Variants in KCNAB2 observed in about 807,000 individuals in gnomAD.
KCNAB2 encodes the protein potassium voltage-gated channel subfamily A regulatory beta subunit 2.
KCNAB2 carries 29 observed loss-of-function variants against 63.6 expected under a neutral mutation model. That is an observed-to-expected ratio of 0.46 (90% CI 0.34 to 0.62). The LOEUF (loss-of-function observed/expected upper bound fraction) is 0.62, where lower values mean the gene tolerates loss of function less well. Among genes scored for constraint, KCNAB2 ranks in the 20% least tolerant of loss-of-function variants. KCNAB2 has a pLI of 0.01. For synonymous variants in KCNAB2, 222 were observed against 224.2 expected (o/e 0.99, Z 0.09); for missense variants, 359 against 563.9 (o/e 0.64, Z 3.68).
chr1:6,085,540 G>A (rs1664625909), intron 6 of KCNAB2, among the ~76,000 whole-genome samples: 1 of 152,170 alleles, frequency 6.6e-6, no homozygotes, highest in African/African-American at 2.4e-5. Context: ...TGCTTGCAAA[G>A]TGTCAGGCCA....
chr1:6,087,282 G>A lies in KCNAB2; in HGVS notation c.426-185G>A, dbSNP rs1664782050. Among the ~76,000 whole-genome samples, 1 of 152,190 alleles carries A rather than the reference G, an allele frequency of 6.6e-6. No homozygotes were observed. Among genetic ancestry groups the A allele is most frequent in the South Asian group, 2.1e-4 (1 of 4,824 alleles). ...TGGCTGCCTCCTGGCTCCATGAGGAGCCCACGCACCCCGGCTGGGCACGTG... is the reference window on the plus strand; with the variant it reads ...TGGCTGCCTCCTGGCTCCATGAGGAACCCACGCACCCCGGCTGGGCACGTG... On this transcript the variant is annotated intron_variant, in intron 6 of 15. Transcript: ENST00000378083. This position sits in a 1 kb window ranked among gnomAD's most constrained non-coding sequence, Gnocchi z 6.4.
chr1:6,057,331 G>A (rs1288643469), intron 2 of KCNAB2, among the ~76,000 whole-genome samples: 1 of 152,114 alleles, frequency 6.6e-6, no homozygotes, highest in Admixed American at 6.6e-5. Context: ...TTGGTTGCCA[G>A]GTTCATTGAG....
In KCNAB2 at chr1:6,096,076, T is replaced by G; in HGVS notation, c.948+452T>G. On this transcript the variant is annotated intron_variant, in intron 13 of 15. Transcript: ENST00000378083. This position sits in a 1 kb window ranked among gnomAD's most constrained non-coding sequence, Gnocchi z 5.9. ...TGGGGACTCAGGAGGGTCCCCAGAC[T>G]GCAGGATCTGGAGAACAAGGAGCAG... 1 of 458,096 alleles carries G rather than the reference T, an allele frequency of 2.2e-6. No homozygotes were observed. Among genetic ancestry groups the G allele is most frequent in the Non-Finnish European group, 4.4e-6 (1 of 228,248 alleles). 28.4% of individuals were successfully genotyped at this position (458,096 alleles called of 1,614,324 possible).
intron 1 of KCNAB2, among the ~76,000 whole-genome samples, chr1:5,996,562 C>T (rs1368725788): frequency 6.6e-6 from 1 of 152,282 alleles, no homozygotes; most frequent in Non-Finnish European, 1.5e-5. Flanking sequence ...CCCATGCCCA[C>T]CCTGCCGGCT....
intron 1 of KCNAB2, among the ~76,000 whole-genome samples, chr1:6,023,696 T>G (rs1467671225): frequency 6.6e-6 from 1 of 152,232 alleles, no homozygotes; most frequent in Non-Finnish European, 1.5e-5. Flanking sequence ...TATTAATTCC[T>G]TATCAGATAT....
chr1:6,075,741 C>T (rs1431299250), intron 4 of KCNAB2, among the ~76,000 whole-genome samples: 1 of 152,206 alleles, frequency 6.6e-6, no homozygotes, highest in African/African-American at 2.4e-5. Flanking sequence ...ATATATGAAA[C>T]ATAAAATTTG....
Position 6,071,609 on chromosome 1 carries a change from G to A in KCNAB2, c.219-1146G>A, listed in dbSNP as rs934865932. On this transcript the variant is annotated intron_variant, in intron 2 of 15. Transcript: ENST00000378083. The surrounding 1 kb of genome is among the most constrained non-coding windows in gnomAD (Gnocchi z 8.5). ...GGGCAGGTATCGTAACGTGGGAATCGATGTCACGACAAGCAAGGCGCCTGC... is the reference window on the plus strand; with the variant it reads ...GGGCAGGTATCGTAACGTGGGAATCAATGTCACGACAAGCAAGGCGCCTGC... 2.0e-5 allele frequency among the ~76,000 whole-genome samples: 3 copies of A among 152,210 alleles called. No homozygotes were observed. The highest frequency in any genetic ancestry group is 7.2e-5 in the African/African-American group (3 of 41,454).
At chr1:6,043,135 C>T (rs910838328), upstream of KCNAB2, among the ~76,000 whole-genome samples, 4 of 152,170 alleles carry the variant, frequency 2.6e-5, no homozygotes, top group Non-Finnish European at 4.4e-5. Flanking sequence ...CCGCTCATCC[C>T]AGGGGATTTC....
intron 1 of KCNAB2, chr1:6,007,736 GT>G (rs760902910): frequency 0.039 from 6,001 of 152,406 alleles, 143 homozygotes; most frequent in South Asian, 0.1. Flanking sequence ...GGGCGCCGCA[GT>G]GTGTGCGCGT....
At chr1:6,093,828 GC>G (rs1296250578) in intron 10 of KCNAB2, among the ~76,000 whole-genome samples, 3 of 152,194 alleles carry the variant, frequency 2.0e-5, no homozygotes, top group Admixed American at 2.0e-4. Flanking sequence ...CATGAGCTCA[GC>G]CCCGAAGCCC....
rs780111136 is a variant in KCNAB2, at chr1:6,078,719, G to A, written c.301-3476G>A. On this transcript the variant is annotated intron_variant, in intron 4 of 15. Transcript: ENST00000378083. This position sits in a 1 kb window ranked among gnomAD's most constrained non-coding sequence, Gnocchi z 4.2. ...TGATTTAAAAGGTCTGCCAAGGCTC[G>A]CCCTGGCTGCTGCACTGGGAATGGC... Among the ~76,000 whole-genome samples the A allele has an allele frequency of 1.4e-4, 22 of 152,306 alleles. No homozygotes were observed. The highest frequency in any genetic ancestry group is 1.9e-4 in the East Asian group (1 of 5,188).
Position 6,096,723 on chromosome 1 carries a change from C to A in KCNAB2, c.1036C>A (p.Arg346Ser). ...KLKELQAIAE[R>S]LGCTLPQLAI... is the part of the protein sequence containing the mutation. ...GAAGGAGCTGCAGGCCATCGCCGAG[C>A]GCCTGGGCTGCACCCTGCCCCAGCT... The change falls in exon 14 of 16, where the codon CGC (arginine) becomes AGC (serine). Residue 346 changes from arginine to serine, a missense_variant. Arg to Ser is a moderately radical substitution (Grantham distance 110, BLOSUM62 -1). Transcript: ENST00000378083. The surrounding 1 kb of genome is among the most constrained non-coding windows in gnomAD (Gnocchi z 5.9). The A allele has an allele frequency of 1.3e-6, 2 of 1,593,874 alleles. No homozygotes were observed. The highest frequency in any genetic ancestry group is 1.7e-6 in the Non-Finnish European group (2 of 1,171,704).
chr1:6,006,903 G>A (rs1657828258), intron 1 of KCNAB2, among the ~76,000 whole-genome samples: 1 of 151,986 alleles, frequency 6.6e-6, no homozygotes, highest in Admixed American at 6.6e-5. Flanking sequence ...AAGAGCTGTT[G>A]TCGAGGGATC....
rs1171049297 is a variant in KCNAB2, at chr1:6,100,277, C to T, written c.*1703C>T. On this transcript the variant is annotated 3_prime_UTR_variant, in exon 16 of 16. Transcript: ENST00000378083. ...CGACCCCCCTTCATGCTGCCCCTGG[C>T]GCCTAGAACCCTTGCCCCTCCTCAT... 5 of 497,162 alleles carry T rather than the reference C, an allele frequency of 1.0e-5. No individual in the cohort carries two copies. The highest frequency in any genetic ancestry group is 3.4e-5 in the East Asian group (1 of 29,344). 30.8% of individuals were successfully genotyped at this position (497,162 alleles called of 1,614,324 possible).
chr1:6,099,962 T>C lies in KCNAB2; in HGVS notation c.*1388T>C. On this transcript the variant is annotated 3_prime_UTR_variant, in exon 16 of 16. Coordinates refer to ENST00000378083, the MANE Select transcript of KCNAB2 (RefSeq NM_001199862.2). ...CTGTGTCCCAAGCAGTACCCAGGCT[T>C]TGCAGACCACGCGGGGCAGGGCTCC... 1 of 1,550,020 alleles carries C rather than the reference T, an allele frequency of 6.5e-7. No individual in the cohort carries two copies. The highest frequency in any genetic ancestry group is 8.7e-7 in the Non-Finnish European group (1 of 1,146,734).
chr1:6,088,755 A>G (rs1040677929), intron 7 of KCNAB2, among the ~76,000 whole-genome samples: 1 of 151,954 alleles, frequency 6.6e-6, no homozygotes, highest in African/African-American at 2.4e-5. Flanking sequence ...CAGACGGGTT[A>G]GGTTGAAAAT....
In KCNAB2 at chr1:6,073,747, T is replaced by A; in HGVS notation, c.277T>A (p.Phe93Ile). 1 of 1,614,138 alleles carries A rather than the reference T, an allele frequency of 6.2e-7. No individual in the cohort carries two copies. Among genetic ancestry groups the A allele is most frequent in the Non-Finnish European group, 8.5e-7 (1 of 1,180,006 alleles). ...TCTCCTTCCAGGAACATGGGTGACC[T>A]TCGGAGGCCAGATCACCGATGAGGT... ...SCLGLGTWVT[F>I]GGQITDEMAE... The change falls in exon 4 of 16, where the codon TTC (phenylalanine) becomes ATC (isoleucine). Residue 93 changes from phenylalanine to isoleucine, a missense_variant. Physicochemically the swap from Phe to Ile is conservative, Grantham distance 21 (BLOSUM62 0). Coordinates refer to ENST00000378083, the MANE Select transcript of KCNAB2 (RefSeq NM_001199862.2). This position sits in a 1 kb window ranked among gnomAD's most constrained non-coding sequence, Gnocchi z 5.7.
chr1:6,050,855 T>C (rs149417252), intron 1 of KCNAB2, among the ~76,000 whole-genome samples: 93 of 152,376 alleles, frequency 6.1e-4, no homozygotes, highest in African/African-American at 2.2e-3. Flanking sequence ...GCAAAAAGCA[T>C]GAAGCCCAAA....
upstream of KCNAB2, among the ~76,000 whole-genome samples, chr1:6,033,224 C>T (rs115708470): frequency 2.8e-3 from 414 of 147,002 alleles, 3 homozygotes; most frequent in African/African-American, 0.01. Flanking sequence ...TGGGTGTGTG[C>T]GCATGTGTGC....
Sources: gnomAD v4.1 joint callset for allele counts (sites outside exome capture counted in the v4.1 genomes callset) on GRCh38, gnomAD v4.1.1 for gene constraint, Gnocchi (gnomAD v3.1) non-coding constraint, MANE v1.5 for transcripts, NCBI Gene and HGNC (gene_info 2026-07-23, HGNC 2026-07-21) for gene names.